The following TNFRSF9 variants were observed in gnomAD, a reference collection of about 807,000 sequenced individuals.
TNFRSF9 encodes TNF receptor superfamily member 9, also known as tumor necrosis factor receptor superfamily member 9.
Under a neutral mutation model 28.8 loss-of-function variants are expected in TNFRSF9, and 16 were observed. The observed-to-expected ratio is 0.55, with a 90% CI of 0.38 to 0.84. The LOEUF (loss-of-function observed/expected upper bound fraction) is 0.84. TNFRSF9 is among the 40% of genes least tolerant of loss of function. TNFRSF9 has a pLI of 0.00. For missense variants in TNFRSF9, 303 were observed against 315.0 expected (o/e 0.96, Z 0.29); for synonymous variants, 131 against 117.0 (o/e 1.12, Z -0.77).
chr1:7,921,405 T>C (rs556590080), intron 7 of TNFRSF9, among the ~76,000 whole-genome samples: 21 of 151,244 alleles, frequency 1.4e-4, no homozygotes, highest in Non-Finnish European at 2.9e-4. Flanking sequence ...CAGTGGCTCA[T>C]GCCTGTAATC....
At chr1:7,932,470 AT>A (rs1306060235) in intron 7 of TNFRSF9, among the ~76,000 whole-genome samples, 1 of 152,232 alleles carries the variant, frequency 6.6e-6, no homozygotes, top group Non-Finnish European at 1.5e-5. Flanking sequence ...GAAATTCATT[AT>A]TGAAATTTTT....
At position 7,920,671 on chromosome 1, in the gene TNFRSF9, A is replaced by C; in HGVS notation, c.*164T>G. ...GTCAAAAAAAAAAAAAAAGTGGTGCATTTTTAAAGGCCAACTCATTGGCAT... is the reference window on the plus strand; with the variant it reads ...GTCAAAAAAAAAAAAAAAGTGGTGCCTTTTTAAAGGCCAACTCATTGGCAT... On this transcript the variant is annotated 3_prime_UTR_variant, in exon 8 of 8. Coordinates refer to ENST00000377507, the MANE Select transcript of TNFRSF9 (RefSeq NM_001561.6). 2 of 594,034 alleles carry C rather than the reference A, an allele frequency of 3.4e-6. No homozygotes were observed. The highest frequency in any genetic ancestry group is 5.9e-6 in the Non-Finnish European group (2 of 337,492). 36.8% of individuals were successfully genotyped at this position (594,034 alleles called of 1,614,324 possible).
rs1043975529 is a variant in TNFRSF9 at position 7,917,159 on chromosome 1, G to C, written c.*3676C>G. 6.6e-6 allele frequency: 1 copy of C among 152,250 alleles called. No individual in the cohort carries two copies. Among genetic ancestry groups the C allele is most frequent in the Non-Finnish European group, 1.5e-5 (1 of 68,104 alleles). 9.4% of individuals were successfully genotyped at this position (152,250 alleles called of 1,614,324 possible). On this transcript the variant is annotated 3_prime_UTR_variant, in exon 8 of 8. Coordinates refer to ENST00000377507, the MANE Select transcript of TNFRSF9 (RefSeq NM_001561.6). ...TTGGCCAGGCTGTCTCAAAACTCCT[G>C]ACCTCAGGTGATCCATCCGCGTCGG...
In TNFRSF9 at chr1:7,917,597, G is replaced by A. The variant is rs1639498356; in HGVS notation, c.*3238C>T. 1 of 152,166 alleles carries A rather than the reference G, an allele frequency of 6.6e-6. No individual in the cohort carries two copies. The highest frequency in any genetic ancestry group is 2.4e-5 in the African/African-American group (1 of 41,450). The allele number at this position is 152,166 out of a possible 1,614,324, so 9.4% of individuals were successfully genotyped here. A position where few individuals can be genotyped will look rare whatever the true frequency, so the allele number is the denominator to read the frequency against. On this transcript the variant is annotated 3_prime_UTR_variant, in exon 8 of 8. Transcript: ENST00000377507. ...AAACTTAAAACTTTTGGAATAAAAT[G>A]TGGGCAAACCTCTTTATAGTATTGG... is the stretch of plus-strand genomic sequence containing the variant.
In TNFRSF9 at chr1:7,917,417, A is replaced by G. The variant is rs188656972; in HGVS notation, c.*3418T>C. The G allele has an allele frequency of 1.3e-5, 2 of 152,508 alleles. No individual in the cohort carries two copies. The highest frequency in any genetic ancestry group is 4.8e-5 in the African/African-American group (2 of 41,578). The allele number at this position is 152,508 out of a possible 1,614,324, so 9.4% of individuals were successfully genotyped here. On this transcript the variant is annotated 3_prime_UTR_variant, in exon 8 of 8. Coordinates refer to ENST00000377507, the MANE Select transcript of TNFRSF9 (RefSeq NM_001561.6). Reference sequence around the variant, plus strand: ...GCCCTATGGAAACTTGATGGATGGTAGGTGAGATTGCAGACCCGCAGGAGA... The same window carrying G: ...GCCCTATGGAAACTTGATGGATGGTGGGTGAGATTGCAGACCCGCAGGAGA...
chr1:7,939,504 C>T (rs899890985), intron 2 of TNFRSF9, among the ~76,000 whole-genome samples: 3 of 152,098 alleles, frequency 2.0e-5, no homozygotes, highest in African/African-American at 4.8e-5. Context: ...AATTTAAATG[C>T]GACTGACCGT....
At chr1:7,924,955 A>G (rs769114606) in intron 7 of TNFRSF9, among the ~76,000 whole-genome samples, 1 of 152,226 alleles carries the variant, frequency 6.6e-6, no homozygotes, top group Non-Finnish European at 1.5e-5. Flanking sequence ...GTACAGCTGT[A>G]CAATGTGCTT....
At chr1:7,924,549 C>T (rs1323833944) in intron 7 of TNFRSF9, among the ~76,000 whole-genome samples, 1 of 151,954 alleles carries the variant, frequency 6.6e-6, no homozygotes, top group Admixed American at 6.6e-5. Flanking sequence ...ATCCCTTGAA[C>T]CCGGGAGGCA....
intron 7 of TNFRSF9, among the ~76,000 whole-genome samples, chr1:7,921,341 A>C (rs1343665535): frequency 1.0e-5 from 1 of 97,506 alleles, no homozygotes; most frequent in Non-Finnish European, 1.7e-5. Flanking sequence ...TGTCTCAAAA[A>C]ACAAAACAAA....
chr1:7,935,206 A>G, intron 5 of TNFRSF9, 63 bp from the exon 6 acceptor site: 3 of 1,563,660 alleles, frequency 1.9e-6, no homozygotes, highest in Non-Finnish European at 2.6e-6. Context: ...TCTGGTTTAA[A>G]ACTTTGTCAT....
intron 3 of TNFRSF9, among the ~76,000 whole-genome samples, 184 bp from the exon 4 acceptor site, chr1:7,938,514 G>A (rs1405806082): frequency 6.6e-6 from 1 of 152,156 alleles, no homozygotes; most frequent in Non-Finnish European, 1.5e-5. Flanking sequence ...CTTCTCTCTT[G>A]TCAAATGAAT....
chr1:7,938,976 A>T (rs540920326), intron 2 of TNFRSF9, 148 bp from the exon 3 acceptor site: 178 of 565,790 alleles, frequency 3.1e-4, no homozygotes, highest in African/African-American at 3.1e-3. Context: ...TTGACTTCCT[A>T]AAACAATACA....
chr1:7,933,425 A>G, intron 6 of TNFRSF9, 129 bp from the exon 7 acceptor site: 2 of 1,145,372 alleles, frequency 1.7e-6, no homozygotes, highest in African/African-American at 3.1e-5. Flanking sequence ...CCAACCTGCT[A>G]ATGGAGTAAA....
chr1:7,930,559 A>C lies in TNFRSF9; in HGVS notation c.679+2603T>G, dbSNP rs140167341. Among the ~76,000 whole-genome samples the C allele has an allele frequency of 1.0e-3, 154 of 152,226 alleles. 1 individual carries two copies. The highest frequency in any genetic ancestry group is 3.3e-3 in the African/African-American group (138 of 41,548). On this transcript the variant is annotated intron_variant, in intron 7 of 7. Coordinates refer to ENST00000377507, the MANE Select transcript of TNFRSF9 (RefSeq NM_001561.6). ...GATCGCTTGAGCCCAGGAGTTTAAG[A>C]CTGGCCTGGACAACACCGTGAATCC...
At chr1:7,937,225 G>T (rs1469497553) in intron 5 of TNFRSF9, among the ~76,000 whole-genome samples, 1 of 152,186 alleles carries the variant, frequency 6.6e-6, no homozygotes, top group Non-Finnish European at 1.5e-5. Flanking sequence ...GTGCGATGGT[G>T]CGATCATAGC....
chr1:7,928,407 C>T (rs549908673), intron 7 of TNFRSF9, among the ~76,000 whole-genome samples: 3 of 152,248 alleles, frequency 2.0e-5, no homozygotes, highest in South Asian at 4.1e-4. Context: ...TTAATGGGTG[C>T]ATGGTAAAAC....
chr1:7,928,465 GAATT>G (rs1439089876), intron 7 of TNFRSF9, among the ~76,000 whole-genome samples: 4 of 152,194 alleles, frequency 2.6e-5, no homozygotes, highest in Non-Finnish European at 5.9e-5. Context: ...CAAGGAAAAA[GAATT>G]AACCATTGAA....
At chr1:7,921,535 G>C (rs1252740283) in intron 7 of TNFRSF9, among the ~76,000 whole-genome samples, 1 of 151,872 alleles carries the variant, frequency 6.6e-6, no homozygotes, top group South Asian at 2.1e-4. Flanking sequence ...TGGGCGTGGT[G>C]GTGGGCGCCT....
Position 7,920,734 on chromosome 1 carries a change from A to T in TNFRSF9, c.*101T>A. Reference sequence around the variant, plus strand: ...GTGTGTTGGGGGAATCCTGGGTATTATGTAGGATGGTGTTCTTGCTTTTGA... The same window carrying T: ...GTGTGTTGGGGGAATCCTGGGTATTTTGTAGGATGGTGTTCTTGCTTTTGA... On this transcript the variant is annotated 3_prime_UTR_variant, in exon 8 of 8. Coordinates refer to ENST00000377507, the MANE Select transcript of TNFRSF9 (RefSeq NM_001561.6). 1.1e-6 allele frequency: 1 copy of T among 930,896 alleles called. No individual in the cohort carries two copies. The highest frequency in any genetic ancestry group is 1.8e-5 in the Admixed American group (1 of 54,418). 57.7% of individuals were successfully genotyped at this position (930,896 alleles called of 1,614,324 possible). A position where few individuals can be genotyped will look rare whatever the true frequency, so the allele number is the denominator to read the frequency against.
Sources: gnomAD v4.1 joint callset for allele counts (sites outside exome capture counted in the v4.1 genomes callset) on GRCh38, gnomAD v4.1.1 for gene constraint, MANE v1.5 for transcripts, NCBI Gene and HGNC (gene_info 2026-07-23, HGNC 2026-07-21) for gene names.